UGT1A8: variants seen among roughly 807,000 people sequenced by gnomAD.
UGT1A8 encodes UDP-glucuronosyltransferase 1A8.
Under a neutral mutation model 45.3 loss-of-function variants are expected in UGT1A8, and 39 were observed. That is an observed-to-expected ratio of 0.86 (90% CI 0.67 to 1.12). The LOEUF (loss-of-function observed/expected upper bound fraction) is 1.12, where lower values mean the gene tolerates loss of function less well. Among genes scored for constraint, UGT1A8 ranks in the 50% most tolerant of loss-of-function variants. The pLI is 0.00. For synonymous variants in UGT1A8, 275 were observed against 249.2 expected (o/e 1.10, Z -0.97); for missense variants, 719 against 664.9 (o/e 1.08, Z -0.90).
chr2:233,667,347 G>T (rs2125496051), intron 1 of UGT1A8, among the ~76,000 whole-genome samples: 1 of 152,268 alleles, frequency 6.6e-6, no homozygotes, highest in South Asian at 2.1e-4. Context: ...AGCTGAAACT[G>T]GATCCCTTCC....
intron 1 of UGT1A8, among the ~76,000 whole-genome samples, chr2:233,757,551 T>TATATATATATATATATACATATAC (rs1696621999): frequency 1.3e-5 from 1 of 78,674 alleles, no homozygotes; most frequent in Non-Finnish European, 2.5e-5. Flanking sequence ...TATATATATA[T>TATATATATATATATATACATATAC]ATATATATAT....
chr2:233,695,471 A>G (rs1297433816), intron 1 of UGT1A8, among the ~76,000 whole-genome samples: 1 of 151,084 alleles, frequency 6.6e-6, no homozygotes, highest in Non-Finnish European at 1.5e-5. Flanking sequence ...TTGGCCCTTT[A>G]GATGTTTTTC....
chr2:233,684,766 A>T (rs182124602), intron 1 of UGT1A8, among the ~76,000 whole-genome samples: 38 of 152,314 alleles, frequency 2.5e-4, no homozygotes, highest in Non-Finnish European at 4.9e-4. Flanking sequence ...TTCAGATCAT[A>T]AAGAGTGCCC....
chr2:233,694,371 G>A (rs1001600534), intron 1 of UGT1A8, among the ~76,000 whole-genome samples: 3 of 151,610 alleles, frequency 2.0e-5, no homozygotes, highest in Admixed American at 2.0e-4. Context: ...GGTTTTTGTA[G>A]TTTTAAAACA....
At chr2:233,712,956 G>T (rs1351747451) in intron 1 of UGT1A8, 1 of 1,612,860 alleles carries the variant, frequency 6.2e-7, no homozygotes, top group Non-Finnish European at 8.5e-7. Flanking sequence ...GGCACAACGT[G>T]GGGTGGACAG....
intron 1 of UGT1A8, among the ~76,000 whole-genome samples, chr2:233,646,102 C>T (rs1447112734): frequency 6.6e-6 from 1 of 152,222 alleles, no homozygotes; most frequent in Admixed American, 6.5e-5. Flanking sequence ...ATGGAAGCTG[C>T]CAAGGCTCGG....
chr2:233,671,785 G>A (rs1338820730), intron 1 of UGT1A8: 2 of 1,404,394 alleles, frequency 1.4e-6, no homozygotes, highest in African/African-American at 2.9e-5. Flanking sequence ...TGTTCTTTTG[G>A]GTAAATCATT....
Position 233,645,529 on chromosome 2 carries a change from A to G in UGT1A8, c.855+26967A>G, listed in dbSNP as rs553744787. ...GCAAGTTAGTTACTTCCTAGACACA[A>G]TGAGGGTACAGGTATTGGGTAAATA... On this transcript the variant is annotated intron_variant, in intron 1 of 4. Coordinates refer to ENST00000373450, the MANE Select transcript of UGT1A8 (RefSeq NM_019076.5). Among the ~76,000 whole-genome samples, 3 of 152,340 alleles carry G rather than the reference A, an allele frequency of 2.0e-5. No individual in the cohort carries two copies. The South Asian group carries it at 6.2e-4, about 32-fold the overall frequency.
chr2:233,640,571 C>T (rs1028986905), intron 1 of UGT1A8, among the ~76,000 whole-genome samples: 8 of 152,146 alleles, frequency 5.3e-5, no homozygotes, highest in African/African-American at 1.4e-4. Context: ...TAAACCCATA[C>T]ATCCTTGGTC....
chr2:233,713,894 G>A (rs1009704522), intron 1 of UGT1A8: 26 of 1,613,234 alleles, frequency 1.6e-5, no homozygotes, highest in Non-Finnish European at 2.2e-5. Context: ...CAATGTTCCA[G>A]GCAAAACACT....
intron 1 of UGT1A8, chr2:233,743,248 A>G (rs1692247141): frequency 2.3e-6 from 1 of 432,126 alleles, no homozygotes; most frequent in Non-Finnish European, 4.4e-6. Flanking sequence ...ACTTTAACTC[A>G]ACTCTCCATC....
intron 1 of UGT1A8, among the ~76,000 whole-genome samples, chr2:233,680,386 T>C (rs1264261773): frequency 6.6e-6 from 1 of 152,186 alleles, no homozygotes; most frequent in African/African-American, 2.4e-5. Context: ...CTCCCTGCAA[T>C]AGCAACAGGA....
chr2:233,650,342 T>C (rs561368892), intron 1 of UGT1A8, among the ~76,000 whole-genome samples: 1 of 152,350 alleles, frequency 6.6e-6, no homozygotes, highest in South Asian at 2.1e-4. Context: ...CTGGCTGCAA[T>C]GATTTTGGCA....
intron 1 of UGT1A8, among the ~76,000 whole-genome samples, chr2:233,763,508 A>G (rs1374305000): frequency 6.6e-6 from 1 of 152,166 alleles, no homozygotes; most frequent in Non-Finnish European, 1.5e-5. Context: ...CTTTATGTTT[A>G]GTTGACTTTG....
intron 1 of UGT1A8, among the ~76,000 whole-genome samples, chr2:233,670,717 G>T (rs17864684): frequency 6.6e-6 from 1 of 152,020 alleles, no homozygotes. Context: ...TGCTGAATTA[G>T]AGATGTTGGG....
At chr2:233,642,866 CAG>C (rs1457748309) in intron 1 of UGT1A8, among the ~76,000 whole-genome samples, 2 of 152,158 alleles carry the variant, frequency 1.3e-5, no homozygotes, top group African/African-American at 2.4e-5. Flanking sequence ...CCCAAAAATA[CAG>C]AGTCTCTCTC....
intron 1 of UGT1A8, among the ~76,000 whole-genome samples, chr2:233,763,609 C>T (rs1698356254): frequency 6.6e-6 from 1 of 152,206 alleles, no homozygotes; most frequent in Non-Finnish European, 1.5e-5. Context: ...TGCCACTCTG[C>T]ACTACCATTC....
rs773847275 is a variant in UGT1A8, at chr2:233,618,211, C to T, written c.504C>T (p.Phe168=). ...ATTTCTCCCTCCCCTCTGTGGTCTT[C>T]GCCAGGGGAATAGCTTGCCACTATC... ...AKYFSLPSVV[F]ARGIACHYLE... is the part of the protein sequence containing the mutation. The change falls in exon 1 of 5, where the codon TTC becomes TTT. Residue 168 remains phenylalanine (F), a synonymous_variant. Transcript: ENST00000373450. The T allele has an allele frequency of 1.1e-5, 18 of 1,613,992 alleles. No homozygotes were observed. Among genetic ancestry groups the T allele is most frequent in the East Asian group, 8.9e-5 (4 of 44,874 alleles).
rs943921949 is a variant in UGT1A8, at chr2:233,663,841, G to A, written c.855+45279G>A. Among the ~76,000 whole-genome samples the A allele has an allele frequency of 3.9e-5, 6 of 152,058 alleles. 1 individual carries two copies. The highest frequency in any genetic ancestry group is 2.1e-4 in the South Asian group (1 of 4,822). ...GTCTCAGGCATAATTTTGCAAAGGC[G>A]GTTTCATTTGCAACCACCATTCCTC... On this transcript the variant is annotated intron_variant, in intron 1 of 4. Coordinates refer to ENST00000373450, the MANE Select transcript of UGT1A8 (RefSeq NM_019076.5).
Sources: allele counts gnomAD v4.1 joint callset (sites outside exome capture counted in the v4.1 genomes callset), GRCh38; gene constraint gnomAD v4.1.1; transcripts MANE v1.5; gene names NCBI Gene and HGNC (gene_info 2026-07-23, HGNC 2026-07-21).